PCLO: variants seen among roughly 807,000 people sequenced by gnomAD.
PCLO encodes protein piccolo.
In PCLO, 82 loss-of-function variants were observed where a neutral mutation model predicts 427.5. The ratio of observed to expected loss-of-function variants is 0.19; its 90% CI spans 0.16 to 0.23. The LOEUF is 0.23. PCLO is among the 10% of genes least tolerant of loss of function. The pLI is 1.00. For missense variants in PCLO, 6,239 were observed against 6,115.9 expected (o/e 1.02, Z -0.67); for synonymous variants, 2,357 against 2,155.4 (o/e 1.09, Z -2.59).
chr7:83,157,259 C>G (rs1792325193), intron 1 of PCLO, among the ~76,000 whole-genome samples: 1 of 152,090 alleles, frequency 6.6e-6, no homozygotes, highest in Admixed American at 6.5e-5. Flanking sequence ...ACAACCCCAT[C>G]TTTATTATTG....
Position 82,840,484 on chromosome 7 carries a change from A to T in PCLO, c.14097+975T>A, listed in dbSNP as rs572101784. ...TAGTCTCTCTCTTACTCCAAAATAG[A>T]GATCATGGTATATTATGTAGTGGCT... On this transcript the variant is annotated intron_variant, in intron 14 of 24. Coordinates refer to ENST00000333891, the MANE Select transcript of PCLO (RefSeq NM_033026.6). 9.9e-5 allele frequency among the ~76,000 whole-genome samples: 15 copies of T among 152,180 alleles called. No individual in the cohort carries two copies. In the South Asian group the frequency reaches 1.4e-3, roughly 15 times the overall value.
intron 16 of PCLO, among the ~76,000 whole-genome samples, chr7:82,829,042 G>A (rs573120582): frequency 2.0e-5 from 3 of 152,026 alleles, no homozygotes; most frequent in African/African-American, 7.2e-5. Context: ...TACATTCCTG[G>A]TCTCAAGTAT....
intron 22 of PCLO, among the ~76,000 whole-genome samples, chr7:82,782,306 A>T (rs1398749144): frequency 6.6e-6 from 1 of 152,214 alleles, no homozygotes; most frequent in Non-Finnish European, 1.5e-5. Flanking sequence ...GTGGTGTGAG[A>T]ATTGTGGAAA....
At chr7:82,834,955 TG>T (rs10715043) in intron 16 of PCLO, among the ~76,000 whole-genome samples, 55,634 of 149,776 alleles carry the variant, frequency 0.37, 11,166 homozygotes, top group East Asian at 0.67. Context: ...TCTTTTTTTT[TG>T]TTTGTTTGTT....
intron 1 of PCLO, among the ~76,000 whole-genome samples, chr7:83,158,521 C>CAA (rs147074191): frequency 0.24 from 36,325 of 148,678 alleles, 4,663 homozygotes; most frequent in Middle Eastern, 0.33. Flanking sequence ...AGCAGAGTAC[C>CAA]AAAAAAAAAA....
intron 22 of PCLO, among the ~76,000 whole-genome samples, chr7:82,763,763 A>T (rs565815543): frequency 6.6e-6 from 1 of 152,200 alleles, no homozygotes; most frequent in African/African-American, 2.4e-5. Flanking sequence ...TAAAATACAA[A>T]TCTTCCAGAG....
chr7:83,078,133 A>C (rs1562952823), intron 3 of PCLO, among the ~76,000 whole-genome samples: 1 of 152,170 alleles, frequency 6.6e-6, no homozygotes, highest in African/African-American at 2.4e-5. Context: ...TAAATCATTA[A>C]ATTCTCAAAT....
At chr7:82,992,026 CAT>C (rs1274272111) in intron 3 of PCLO, among the ~76,000 whole-genome samples, 1 of 152,110 alleles carries the variant, frequency 6.6e-6, no homozygotes, top group Non-Finnish European at 1.5e-5. Flanking sequence ...GTCAAAAAAA[CAT>C]ATTTTAAGAA....
intron 3 of PCLO, among the ~76,000 whole-genome samples, chr7:83,096,139 A>G (rs1584017436): frequency 1.3e-5 from 2 of 152,096 alleles, no homozygotes; most frequent in Admixed American, 1.3e-4. Flanking sequence ...AAAGATTATG[A>G]CTCACACTTC....
intron 3 of PCLO, among the ~76,000 whole-genome samples, chr7:82,988,809 AT>A (rs914400201): frequency 1.5e-4 from 22 of 150,052 alleles, no homozygotes; most frequent in African/African-American, 5.4e-4. Flanking sequence ...AGCAGAATTT[AT>A]TTTTTTTTAT....
intron 22 of PCLO, among the ~76,000 whole-genome samples, chr7:82,792,050 A>G (rs1562788113): frequency 6.6e-6 from 1 of 152,024 alleles, no homozygotes; most frequent in Non-Finnish European, 1.5e-5. Context: ...TGTATTTTAC[A>G]TCATCAAAGT....
intron 22 of PCLO, among the ~76,000 whole-genome samples, chr7:82,770,577 C>T (rs1790627411): frequency 6.6e-6 from 1 of 151,706 alleles, no homozygotes; most frequent in African/African-American, 2.4e-5. Flanking sequence ...TTTCACTTTG[C>T]TGAATCTATT....
At chr7:82,809,481 A>G (rs559153708) in intron 20 of PCLO, among the ~76,000 whole-genome samples, 2 of 151,670 alleles carry the variant, frequency 1.3e-5, no homozygotes, top group South Asian at 2.1e-4. Context: ...GACCTCTCCT[A>G]TGTCTGGACT....
At position 82,876,455 on chromosome 7, in the gene PCLO, T is replaced by TACACACACACACACACAC. The variant is rs35270740; in HGVS notation, c.13654+2864_13654+2881dup. 2.8e-3 allele frequency among the ~76,000 whole-genome samples: 396 copies of TACACACACACACACACAC among 143,184 alleles called. 2 individuals are homozygous for TACACACACACACACACAC. The highest frequency in any genetic ancestry group is 9.8e-3 in the African/African-American group (372 of 38,108). The allele number at this position is 143,184 out of a possible 152,430, so 93.9% of individuals were successfully genotyped here. A position where few individuals can be genotyped will look rare whatever the true frequency, so the allele number is the denominator to read the frequency against. On this transcript the variant is annotated intron_variant, in intron 10 of 24. Coordinates refer to ENST00000333891, the MANE Select transcript of PCLO (RefSeq NM_033026.6). The stretch of plus-strand genomic sequence containing the variant: ...ACAGAACTATAGACAAAAACAAGTA[T>TACACACACACACACACAC]ACACACACACACACACACACACACA...
At chr7:83,161,615 AATT>A (rs1248316881) in intron 1 of PCLO, among the ~76,000 whole-genome samples, 2 of 152,198 alleles carry the variant, frequency 1.3e-5, no homozygotes, top group African/African-American at 4.8e-5. Context: ...ATGTATTGAA[AATT>A]ATTTTCTAAG....
chr7:82,784,860 G>T (rs1437742486), intron 22 of PCLO, among the ~76,000 whole-genome samples: 1 of 151,960 alleles, frequency 6.6e-6, no homozygotes, highest in Non-Finnish European at 1.5e-5. Context: ...TGTAGATCTA[G>T]ATAATTTTTT....
intron 11 of PCLO, among the ~76,000 whole-genome samples, 199 bp from the exon 12 acceptor site, chr7:82,846,833 A>ATTTAAGGTGAAATCTTTATGAATTAAATG (rs1792515550): frequency 6.6e-6 from 1 of 152,168 alleles, no homozygotes; most frequent in African/African-American, 2.4e-5. Flanking sequence ...AAAAATGATT[A>ATTTAAGGTGAAATCTTTATGAATTAAATG]TTTAAGGTGA....
chr7:82,848,300 GTTAGT>G (rs1454832401), intron 10 of PCLO, among the ~76,000 whole-genome samples: 1 of 110,178 alleles, frequency 9.1e-6, no homozygotes, highest in Non-Finnish European at 1.9e-5. Flanking sequence ...TGAACCATTA[GTTAGT>G]TTTTTTTTTT....
chr7:83,094,969 G>A (rs1250090171), intron 3 of PCLO, among the ~76,000 whole-genome samples: 1 of 152,076 alleles, frequency 6.6e-6, no homozygotes, highest in African/African-American at 2.4e-5. Flanking sequence ...TCAGGGTAAT[G>A]CTAACTTCAC....
Sources: gnomAD v4.1 joint callset for allele counts (sites outside exome capture counted in the v4.1 genomes callset) on GRCh38, gnomAD v4.1.1 for gene constraint, MANE v1.5 for transcripts, NCBI Gene and HGNC (gene_info 2026-07-23, HGNC 2026-07-21) for gene names.